Variants in HDAC2 observed in about 807,000 individuals in gnomAD.
HDAC2 encodes the protein YY1-associated factor 1.
Under a neutral mutation model 68.5 loss-of-function variants are expected in HDAC2, and 5 were observed. The ratio of observed to expected loss-of-function variants is 0.07; its 90% CI spans 0.04 to 0.15. The LOEUF (loss-of-function observed/expected upper bound fraction) is 0.15. HDAC2 is among the 10% of genes least tolerant of loss of function. HDAC2 has a pLI of 1.00. For synonymous variants in HDAC2, 182 were observed against 191.3 expected (o/e 0.95, Z 0.40); for missense variants, 291 against 600.8 (o/e 0.48, Z 5.39).
intron 6 of HDAC2, 96 bp from the exon 7 acceptor site, chr6:113,949,356 T>G (rs1776345633): frequency 1.4e-6 from 1 of 723,186 alleles, no homozygotes; most frequent in African/African-American, 1.8e-5. Flanking sequence ...AGACTAAGTA[T>G]TAAGGATCCA....
chr6:113,970,798 G>A, intron 1 of HDAC2, 59 bp downstream of exon 1: 7 of 1,455,202 alleles, frequency 4.8e-6, no homozygotes, highest in Non-Finnish European at 5.4e-6. Flanking sequence ...CGCGACGGCA[G>A]CCGCGGAACC....
Position 113,940,748 on chromosome 6 carries a change from C to A in HDAC2, c.*310G>T, listed in dbSNP as rs949329873. On this transcript the variant is annotated 3_prime_UTR_variant, in exon 14 of 14. Transcript: ENST00000519065. ...TACAATTTTTTAATAAAGATAATTACAAAAGATGGAAAAATCAGCTCAGAA... is the reference window on the plus strand; with the variant it reads ...TACAATTTTTTAATAAAGATAATTAAAAAAGATGGAAAAATCAGCTCAGAA... 8.0e-5 allele frequency: 20 copies of A among 249,102 alleles called. No individual in the cohort carries two copies. The highest frequency in any genetic ancestry group is 1.2e-4 in the Non-Finnish European group (16 of 130,878). The allele number at this position is 249,102 out of a possible 1,614,324, so 15.4% of individuals were successfully genotyped here. A position where few individuals can be genotyped will look rare whatever the true frequency, so the allele number is the denominator to read the frequency against.
At chr6:113,953,472 A>T (rs966693557) in intron 5 of HDAC2, 54 bp from the exon 6 acceptor site, 1 of 1,073,200 alleles carries the variant, frequency 9.3e-7, no homozygotes, top group Non-Finnish European at 1.4e-6. Flanking sequence ...TAAGATGGGA[A>T]GAAGCACCAC....
intron 1 of HDAC2, among the ~76,000 whole-genome samples, chr6:113,964,350 C>T (rs1776761654): frequency 6.6e-6 from 1 of 152,098 alleles, no homozygotes. Context: ...CATATTAACA[C>T]ATCTTTAATA....
At chr6:113,951,746 C>T (rs1193762857) in intron 6 of HDAC2, among the ~76,000 whole-genome samples, 2 of 152,110 alleles carry the variant, frequency 1.3e-5, no homozygotes, top group Admixed American at 6.5e-5. Flanking sequence ...GGATTACAGG[C>T]GTGAGACACC....
At chr6:113,955,459 C>T (rs1776530819) in intron 5 of HDAC2, among the ~76,000 whole-genome samples, 1 of 152,192 alleles carries the variant, frequency 6.6e-6, no homozygotes, top group Admixed American at 6.5e-5. Flanking sequence ...AATCCACCCA[C>T]CTCGTCCTCC....
intron 1 of HDAC2, among the ~76,000 whole-genome samples, chr6:113,966,176 G>A (rs1776812300): frequency 6.6e-6 from 1 of 152,262 alleles, no homozygotes; most frequent in South Asian, 2.1e-4. Flanking sequence ...ATGCCAAAAT[G>A]CCACCCATCC....
intron 1 of HDAC2, 72 bp downstream of exon 1, chr6:113,970,785 A>C: frequency 6.9e-7 from 1 of 1,442,068 alleles, no homozygotes; most frequent in Non-Finnish European, 9.0e-7. Context: ...CCCGGCGCCC[A>C]CTCGCGACGG....
Position 113,941,101 on chromosome 6 carries a change from G to T in HDAC2, c.1437-13C>A. ...TTCTGATTTGGTTCTGTTAAAAGAG[G>T]CAATGTGAAATATTAAAAATGGCAC... On this transcript the variant is annotated splice_polypyrimidine_tract_variant and intron_variant, in intron 13 of 13. Transcript: ENST00000519065. 1 of 1,605,160 alleles carries T rather than the reference G, an allele frequency of 6.2e-7. No homozygotes were observed. Among genetic ancestry groups the T allele is most frequent in the Non-Finnish European group, 8.5e-7 (1 of 1,174,916 alleles).
At position 113,941,996 on chromosome 6, in the gene HDAC2, G is replaced by A. The variant is rs977302200; in HGVS notation, c.1379-231C>T. ...GGAGAAAAGGTGGCCCTAACTCTAGGTTTTGACCTATAGATTTAAAAAAAG... is the reference window on the plus strand; with the variant it reads ...GGAGAAAAGGTGGCCCTAACTCTAGATTTTGACCTATAGATTTAAAAAAAG... On this transcript the variant is annotated intron_variant, in intron 12 of 13. Coordinates refer to ENST00000519065, the MANE Select transcript of HDAC2 (RefSeq NM_001527.4). Among the ~76,000 whole-genome samples the A allele has an allele frequency of 1.3e-4, 19 of 151,876 alleles. 1 individual carries two copies. Among genetic ancestry groups the A allele is most frequent in the Admixed American group, 1.2e-3 (18 of 15,250 alleles).
Position 113,970,955 on chromosome 6 carries a change from C to T in HDAC2, c.-47G>A, listed in dbSNP as rs1355637677. 1.3e-6 allele frequency: 2 copies of T among 1,560,330 alleles called. No homozygotes were observed. The highest frequency in any genetic ancestry group is 2.7e-5 in the African/African-American group (2 of 73,802). On this transcript the variant is annotated 5_prime_UTR_variant, in exon 1 of 14. Coordinates refer to ENST00000519065, the MANE Select transcript of HDAC2 (RefSeq NM_001527.4). ...CACCGGGCTCCTCCTCCTGCTGCTG[C>T]TGCTGCTGCTGCTGCCGCCGCGGCT...
chr6:113,956,390 G>C (rs1776554880), intron 4 of HDAC2: 1 of 567,190 alleles, frequency 1.8e-6, no homozygotes, highest in African/African-American at 1.9e-5. Context: ...ATACCTAGAA[G>C]ACAAAGGGAA....
chr6:113,944,380 T>C lies in HDAC2; in HGVS notation c.1122A>G (p.Leu374=), dbSNP rs1776219336. Residue 374 remains leucine (L), a synonymous_variant, in exon 11 of 14, where the codon TTA becomes TTG. Transcript: ENST00000519065. The stretch of plus-strand genomic sequence containing the variant: ...GCATCTGGACACCAGGTGCATGAGG[T>C]AACATGCGCAAATTTTCAAACAAAC... The part of the protein sequence containing the change: ...KQRLFENLRM[L]PHAPGVQMQA... The C allele has an allele frequency of 1.2e-6, 2 of 1,612,618 alleles. No individual in the cohort carries two copies. The highest frequency in any genetic ancestry group is 1.7e-6 in the Non-Finnish European group (2 of 1,178,684).
rs1776078992 is a variant in HDAC2 at position 113,939,492 on chromosome 6, A to ATACCATCT, written c.*1558_*1565dup. The stretch of plus-strand genomic sequence containing the variant: ...CAAAGTTACAGAATTGTCCAAATAC[A>ATACCATCT]TACCATCTATGTTTCACAAACACTA... On this transcript the variant is annotated 3_prime_UTR_variant, in exon 14 of 14. Transcript: ENST00000519065. The ATACCATCT allele has an allele frequency of 6.6e-6, 1 of 152,216 alleles. No homozygotes were observed. Among genetic ancestry groups the ATACCATCT allele is most frequent in the South Asian group, 2.1e-4 (1 of 4,834 alleles). The allele number at this position is 152,216 out of a possible 1,614,324, so 9.4% of individuals were successfully genotyped here. A position where few individuals can be genotyped will look rare whatever the true frequency, so the allele number is the denominator to read the frequency against.
chr6:113,954,387 A>T lies in HDAC2; in HGVS notation c.498-969T>A, dbSNP rs959391649. ...CCATAGTACAGCAAAATTTCTTCAC[A>T]AAATTAAAAAAACAGAAATGAGGCT... On this transcript the variant is annotated intron_variant, in intron 5 of 13. Transcript: ENST00000519065. Among the ~76,000 whole-genome samples the T allele has an allele frequency of 1.2e-4, 18 of 152,356 alleles. No homozygotes were observed. The Middle Eastern group carries it at 0.01, about 86-fold the overall frequency.
chr6:113,948,953 G>T, intron 8 of HDAC2, 26 bp downstream of exon 8: 4 of 1,597,938 alleles, frequency 2.5e-6, no homozygotes, highest in Non-Finnish European at 3.4e-6. Flanking sequence ...TTTTTTTCTG[G>T]AAATACCACC....
rs748128191 is a variant in HDAC2 at position 113,943,333 on chromosome 6, C to A, written c.1378+18G>T. 4.4e-5 allele frequency: 70 copies of A among 1,579,716 alleles called. No homozygotes were observed. The South Asian group carries it at 6.1e-4, about 14-fold the overall frequency. On this transcript the variant is annotated intron_variant, in intron 12 of 13. Coordinates refer to ENST00000519065, the MANE Select transcript of HDAC2 (RefSeq NM_001527.4). ...AAAATTTACAATTAAAACACAATTA[C>A]CAAGAAACAAATCTGACCTGTTTTT...
chr6:113,937,502 G>C lies in HDAC2; in HGVS notation c.*3556C>G, dbSNP rs1036269915. 6.6e-6 allele frequency: 1 copy of C among 152,194 alleles called. No homozygotes were observed. The highest frequency in any genetic ancestry group is 1.5e-5 in the Non-Finnish European group (1 of 68,062). The allele number at this position is 152,194 out of a possible 1,614,324, so 9.4% of individuals were successfully genotyped here. On this transcript the variant is annotated 3_prime_UTR_variant, in exon 14 of 14. Transcript: ENST00000519065. ...AAATGAATTAAAGAGCTTTACTTGAGTTAATATCTTAGTTTACCAAACCTG... is the reference window on the plus strand; with the variant it reads ...AAATGAATTAAAGAGCTTTACTTGACTTAATATCTTAGTTTACCAAACCTG...
In HDAC2 at chr6:113,956,428, T is replaced by C. The variant is rs1006819167; in HGVS notation, c.358+191A>G. 22 of 579,672 alleles carry C rather than the reference T, an allele frequency of 3.8e-5. No individual in the cohort carries two copies. In the South Asian group the frequency reaches 4.5e-4, roughly 12 times the overall value. 35.9% of individuals were successfully genotyped at this position (579,672 alleles called of 1,614,324 possible). ...AATGAAGTCTCCAAGTGAAAATAAG[T>C]TTAAAAAGCGTTTAAGTCATAATCA... On this transcript the variant is annotated intron_variant, in intron 4 of 13. Transcript: ENST00000519065.
Sources: gnomAD v4.1 joint callset for allele counts (sites outside exome capture counted in the v4.1 genomes callset) on GRCh38, gnomAD v4.1.1 for gene constraint, MANE v1.5 for transcripts, NCBI Gene and HGNC (gene_info 2026-07-23, HGNC 2026-07-21) for gene names.